The following ROBO1 variants were observed in gnomAD, a reference collection of about 807,000 sequenced individuals.
ROBO1 encodes roundabout homolog 1.
ROBO1 carries 149 observed loss-of-function variants against 195.9 expected under a neutral mutation model. That is an observed-to-expected ratio of 0.76 (90% CI 0.67 to 0.87). The LOEUF (loss-of-function observed/expected upper bound fraction) is 0.87, where lower values mean the gene tolerates loss of function less well. ROBO1 is among the 40% of genes least tolerant of loss of function. ROBO1 has a pLI of 0.00. For missense variants in ROBO1, 1,933 were observed against 2,068.3 expected (o/e 0.93, Z 1.27); for synonymous variants, 816 against 733.2 (o/e 1.11, Z -1.82).
chr3:78,969,362 CA>C (rs1190749200), intron 3 of ROBO1, among the ~76,000 whole-genome samples: 2 of 152,210 alleles, frequency 1.3e-5, no homozygotes, highest in South Asian at 2.1e-4. Flanking sequence ...AGTCTACAAA[CA>C]AAAAGAATAC....
intron 2 of ROBO1, among the ~76,000 whole-genome samples, chr3:79,129,795 A>C (rs2080291972): frequency 6.6e-6 from 1 of 151,912 alleles, no homozygotes; most frequent in Admixed American, 6.6e-5. Context: ...GTTTTCTTCT[A>C]GGGTTTTTAT....
chr3:79,603,270 C>CAG (rs34052453), intron 1 of ROBO1, among the ~76,000 whole-genome samples: 38,275 of 151,788 alleles, frequency 0.25, 6,661 homozygotes, highest in African/African-American at 0.5. Context: ...GGAGACCAGG[C>CAG]AGTTTCCTGA....
chr3:78,774,477 A>AT (rs1445454996), intron 4 of ROBO1, among the ~76,000 whole-genome samples: 2 of 151,916 alleles, frequency 1.3e-5, no homozygotes, highest in Admixed American at 6.6e-5. Context: ...CGCCCAGCTA[A>AT]TTTTTTGTAT....
chr3:79,642,701 C>A (rs914466531), intron 1 of ROBO1, among the ~76,000 whole-genome samples: 2 of 152,002 alleles, frequency 1.3e-5, no homozygotes, highest in African/African-American at 4.8e-5. Flanking sequence ...AAAGTATGTC[C>A]TAGACAAACA....
intron 3 of ROBO1, among the ~76,000 whole-genome samples, chr3:78,945,435 C>T (rs537432342): frequency 3.9e-4 from 60 of 152,288 alleles, no homozygotes; most frequent in African/African-American, 1.4e-3. Context: ...CTAGCAAACT[C>T]TAACAGACCT....
At chr3:79,244,386 G>C (rs1016770064) in intron 2 of ROBO1, among the ~76,000 whole-genome samples, 7 of 152,110 alleles carry the variant, frequency 4.6e-5, no homozygotes, top group Non-Finnish European at 8.8e-5. Flanking sequence ...AAAAGGAAAT[G>C]ATGTTGCTGC....
chr3:78,858,413 C>T (rs1001787532), intron 4 of ROBO1, among the ~76,000 whole-genome samples: 4 of 151,968 alleles, frequency 2.6e-5, no homozygotes. Context: ...TGGCCAGTCT[C>T]AGCAGCTGCA....
chr3:78,739,327 T>TAATA (rs1407927077), intron 5 of ROBO1, among the ~76,000 whole-genome samples: 1 of 152,154 alleles, frequency 6.6e-6, no homozygotes, highest in Non-Finnish European at 1.5e-5. Context: ...ACTACATTAA[T>TAATA]AATATTTTAC....
intron 22 of ROBO1, among the ~76,000 whole-genome samples, chr3:78,638,372 A>T: frequency 6.6e-6 from 1 of 151,294 alleles, no homozygotes; most frequent in East Asian, 2.0e-4. Flanking sequence ...TGTCCTCAGG[A>T]TTTGCTACTA....
intron 2 of ROBO1, among the ~76,000 whole-genome samples, chr3:79,166,569 T>A (rs1054465977): frequency 9.3e-5 from 14 of 149,966 alleles, no homozygotes; most frequent in East Asian, 5.8e-4. Context: ...TCTTTTTTTT[T>A]TTTTTTTTAT....
chr3:79,576,569 C>T (rs1374594045), intron 2 of ROBO1, among the ~76,000 whole-genome samples: 4 of 151,950 alleles, frequency 2.6e-5, no homozygotes, highest in Admixed American at 2.6e-4. Context: ...TTTCAAGTTT[C>T]CCAAGTTTAA....
intron 2 of ROBO1, among the ~76,000 whole-genome samples, chr3:79,165,475 G>C (rs886892477): frequency 7.9e-5 from 12 of 152,162 alleles, no homozygotes; most frequent in African/African-American, 2.9e-4. Context: ...TTATTTGTCA[G>C]AAGGAGATTG....
At chr3:79,171,635 C>T (rs189968621) in intron 2 of ROBO1, among the ~76,000 whole-genome samples, 1 of 152,120 alleles carries the variant, frequency 6.6e-6, no homozygotes, top group Non-Finnish European at 1.5e-5. Context: ...ACAAGTCATT[C>T]ACGTGATTGA....
intron 2 of ROBO1, among the ~76,000 whole-genome samples, chr3:79,449,986 T>C (rs2039388902): frequency 6.6e-6 from 1 of 152,114 alleles, no homozygotes; most frequent in Non-Finnish European, 1.5e-5. Flanking sequence ...GGGCTGTGAA[T>C]AGATACCTAA....
At chr3:78,689,061 T>C (rs2081113742) in intron 8 of ROBO1, among the ~76,000 whole-genome samples, 1 of 152,196 alleles carries the variant, frequency 6.6e-6, no homozygotes, top group Non-Finnish European at 1.5e-5. Context: ...ATTGTAAATA[T>C]ACCTGAATTT....
chr3:78,833,476 A>G (rs925299322), intron 4 of ROBO1, among the ~76,000 whole-genome samples: 5 of 152,196 alleles, frequency 3.3e-5, no homozygotes, highest in African/African-American at 1.2e-4. Context: ...AATGAAAGAT[A>G]TTTAATTATA....
chr3:78,761,358 C>T (rs1275161125), intron 4 of ROBO1, among the ~76,000 whole-genome samples: 1 of 152,020 alleles, frequency 6.6e-6, no homozygotes, highest in Non-Finnish European at 1.5e-5. Context: ...AACAGCAACG[C>T]TTTTTATAAA....
At chr3:79,008,682 C>A (rs1162683239) in intron 3 of ROBO1, among the ~76,000 whole-genome samples, 1 of 151,484 alleles carries the variant, frequency 6.6e-6, no homozygotes, top group African/African-American at 2.4e-5. Flanking sequence ...CATCCTCAAC[C>A]TCCTGGGCTC....
At chr3:79,280,489 C>T (rs1471531038) in intron 2 of ROBO1, among the ~76,000 whole-genome samples, 2 of 152,174 alleles carry the variant, frequency 1.3e-5, no homozygotes, top group African/African-American at 2.4e-5. Context: ...ACACACCTAA[C>T]TACAGCTGTT....
Sources: gnomAD v4.1 joint callset for allele counts (sites outside exome capture counted in the v4.1 genomes callset) on GRCh38, gnomAD v4.1.1 for gene constraint, MANE v1.5 for transcripts, NCBI Gene and HGNC (gene_info 2026-07-23, HGNC 2026-07-21) for gene names.